Variants in PPP2R2D observed in about 807,000 individuals in gnomAD.
The protein encoded by PPP2R2D is serine/threonine-protein phosphatase 2A 55 kDa regulatory subunit B delta isoform.
PPP2R2D carries 9 observed loss-of-function variants against 31.1 expected under a neutral mutation model. The ratio of observed to expected loss-of-function variants is 0.29; its 90% CI spans 0.17 to 0.51. The LOEUF is 0.51. PPP2R2D is among the 20% of genes least tolerant of loss of function. PPP2R2D has a pLI of 0.98. For synonymous variants in PPP2R2D, 179 were observed against 172.6 expected (o/e 1.04, Z -0.29); for missense variants, 391 against 465.6 (o/e 0.84, Z 1.48).
chr10:131,931,325 C>G (rs1288650647), intron 2 of PPP2R2D, among the ~76,000 whole-genome samples: 1 of 152,184 alleles, frequency 6.6e-6, no homozygotes, highest in Non-Finnish European at 1.5e-5. Flanking sequence ...TCTCTTTGTT[C>G]AGATTCCATC....
At chr10:131,940,327 G>T in intron 4 of PPP2R2D, 131 bp downstream of exon 4, 1 of 577,296 alleles carries the variant, frequency 1.7e-6, no homozygotes, top group Non-Finnish European at 3.1e-6. Flanking sequence ...GTTATCTAGG[G>T]TAGCAAGTGA....
At chr10:131,902,346 C>G (rs1042661384) in intron 2 of PPP2R2D, among the ~76,000 whole-genome samples, 31,808 of 152,040 alleles carry the variant, frequency 0.21, 3,460 homozygotes, top group South Asian at 0.27. Context: ...CTGTTCACTT[C>G]CCTCCATCTC....
intron 2 of PPP2R2D, among the ~76,000 whole-genome samples, chr10:131,909,290 G>A (rs908547401): frequency 1.1e-4 from 16 of 152,306 alleles, no homozygotes; most frequent in African/African-American, 3.6e-4. Flanking sequence ...GTGTGCTCAG[G>A]ACTCTGAGTG....
chr10:131,909,244 C>G (rs2035645236), intron 2 of PPP2R2D, among the ~76,000 whole-genome samples: 1 of 152,174 alleles, frequency 6.6e-6, no homozygotes, highest in Admixed American at 6.5e-5. Flanking sequence ...AGGAGGCTGG[C>G]TGGGGCCACA....
rs1459990988 is a variant in PPP2R2D, at chr10:131,901,039, C to CGGCGGCGGCGCCGGCGGT, written c.-103_-102insGCGCCGGCGGTGGCGGCG. On this transcript the variant is annotated 5_prime_UTR_variant, in exon 1 of 9. Coordinates refer to ENST00000455566, the MANE Select transcript of PPP2R2D (RefSeq NM_018461.5). ...CCCTCCCCGGCGGCGGCGGCGGCGG[C>CGGCGGCGGCGCCGGCGGT]GGCGGCGCCGGCGGTGGTGGCGGCC... is the stretch of plus-strand genomic sequence containing the variant. The CGGCGGCGGCGCCGGCGGT allele has an allele frequency of 6.3e-6, 1 of 159,652 alleles. No homozygotes were observed. The allele number at this position is 159,652 out of a possible 1,614,324, so 9.9% of individuals were successfully genotyped here. A position where few individuals can be genotyped will look rare whatever the true frequency, so the allele number is the denominator to read the frequency against.
chr10:131,954,775 T>G (rs1554899649), intron 8 of PPP2R2D, among the ~76,000 whole-genome samples: 1 of 151,964 alleles, frequency 6.6e-6, no homozygotes, highest in Admixed American at 6.6e-5. Context: ...CGCGCCAGCG[T>G]GAAAGGCCTC....
intron 5 of PPP2R2D, among the ~76,000 whole-genome samples, chr10:131,943,218 C>T (rs781923984): frequency 1.4e-4 from 22 of 152,326 alleles, no homozygotes; most frequent in Admixed American, 4.6e-4. Context: ...GCGCCCACTC[C>T]TCTCTGTCCT....
downstream of PPP2R2D, among the ~76,000 whole-genome samples, chr10:131,962,710 T>C (rs1479849067): frequency 6.6e-6 from 1 of 152,168 alleles, no homozygotes; most frequent in African/African-American, 2.4e-5. Context: ...AGGGGCTGCC[T>C]GCACTGGGCA....
intron 2 of PPP2R2D, among the ~76,000 whole-genome samples, chr10:131,919,856 C>T (rs1335999360): frequency 7.9e-6 from 1 of 126,246 alleles, no homozygotes; most frequent in Admixed American, 8.2e-5. Flanking sequence ...GGTGGAATGA[C>T]ACAGTGTTTG....
Position 131,956,044 on chromosome 10 carries a change from G to A in PPP2R2D, c.*81G>A, listed in dbSNP as rs542941189. On this transcript the variant is annotated 3_prime_UTR_variant, in exon 9 of 9. Coordinates refer to ENST00000455566, the MANE Select transcript of PPP2R2D (RefSeq NM_018461.5). ...TGTCAGAGAAAAGGCATCATTGTCC[G>A]CTCCATTAAGAACAGTGACGCACCT... 16 of 1,351,752 alleles carry A rather than the reference G, an allele frequency of 1.2e-5. No individual in the cohort carries two copies. The highest frequency in any genetic ancestry group is 7.4e-5 in the African/African-American group (5 of 67,172). 83.7% of individuals were successfully genotyped at this position (1,351,752 alleles called of 1,614,324 possible).
Position 131,947,470 on chromosome 10 carries a change from A to C in PPP2R2D, c.821-60A>C. 3.2e-6 allele frequency: 5 copies of C among 1,555,180 alleles called. No homozygotes were observed. Among genetic ancestry groups the C allele is most frequent in the East Asian group, 2.3e-5 (1 of 44,202 alleles). On this transcript the variant is annotated intron_variant, in intron 7 of 8. Coordinates refer to ENST00000455566, the MANE Select transcript of PPP2R2D (RefSeq NM_018461.5). The surrounding 1 kb of genome is among the most constrained non-coding windows in gnomAD (Gnocchi z 4.3). ...AGGGGCCACTTCCTACTTGAACTTGAAAATGATTTGTTCTCTGATTTTTAA... is the reference window on the plus strand; with the variant it reads ...AGGGGCCACTTCCTACTTGAACTTGCAAATGATTTGTTCTCTGATTTTTAA...
chr10:131,921,280 T>C (rs1564813813), intron 2 of PPP2R2D, among the ~76,000 whole-genome samples: 3 of 151,894 alleles, frequency 2.0e-5, no homozygotes, highest in Admixed American at 6.6e-5. Context: ...GTGCAGGGAG[T>C]GACCGGGGGA....
the PPP2R2D span, chr10:131,969,944 T>G: frequency 6.6e-6 from 1 of 152,478 alleles, no homozygotes; most frequent in African/African-American, 2.4e-5. Context: ...ATCCCAGCAC[T>G]TTGGAGGCCG....
intron 3 of PPP2R2D, among the ~76,000 whole-genome samples, chr10:131,937,179 A>G (rs1227983485): frequency 9.8e-5 from 15 of 152,354 alleles, no homozygotes; most frequent in African/African-American, 3.1e-4. Flanking sequence ...AGTCAGGTCC[A>G]TAGAGGCCCG....
At chr10:131,970,366 G>A in the PPP2R2D span, 7 of 518,254 alleles carry the variant, frequency 1.4e-5, no homozygotes, top group African/African-American at 3.8e-5. This position sits in a 1 kb window ranked among gnomAD's most constrained non-coding sequence, Gnocchi z 4.1. Flanking sequence ...TCAGACCTAA[G>A]AAGCCCTGCT....
At chr10:131,954,533 G>A (rs1245821704) in intron 8 of PPP2R2D, among the ~76,000 whole-genome samples, 1 of 152,200 alleles carries the variant, frequency 6.6e-6, no homozygotes, top group Non-Finnish European at 1.5e-5. Flanking sequence ...CACACCTTGT[G>A]TCTCCCGCCT....
chr10:131,956,288 A>C lies in PPP2R2D; in HGVS notation c.*325A>C. 9.7e-7 allele frequency: 1 copy of C among 1,034,300 alleles called. No individual in the cohort carries two copies. The highest frequency in any genetic ancestry group is 1.2e-6 in the Non-Finnish European group (1 of 862,420). 64.1% of individuals were successfully genotyped at this position (1,034,300 alleles called of 1,614,324 possible). On this transcript the variant is annotated 3_prime_UTR_variant, in exon 9 of 9. Transcript: ENST00000455566. ...TTTATAGACCAAAAAATTAACATCC[A>C]AGAGAAAAGTTATTGTCAGATACCG... is the stretch of plus-strand genomic sequence containing the variant.
At chr10:131,925,033 T>G (rs10870232) in intron 2 of PPP2R2D, among the ~76,000 whole-genome samples, 43,550 of 152,106 alleles carry the variant, frequency 0.29, 6,369 homozygotes, top group East Asian at 0.45. Context: ...CTGTTTATTA[T>G]CTCTGATAGG....
rs1220853276 is a variant in PPP2R2D at position 131,953,030 on chromosome 10, G to A, written c.1083-2654G>A. On this transcript the variant is annotated intron_variant, in intron 8 of 8. Coordinates refer to ENST00000455566, the MANE Select transcript of PPP2R2D (RefSeq NM_018461.5). ...GGGTTCACTGTCTTAGTGACTTGCG[G>A]GTGTGCAGGGGGTTTCACTGTCTTA... Among the ~76,000 whole-genome samples the A allele has an allele frequency of 1.9e-4, 26 of 138,368 alleles. 2 individuals are homozygous for A. Among genetic ancestry groups the A allele is most frequent in the African/African-American group, 6.9e-4 (25 of 36,186 alleles). The allele number at this position is 138,368 out of a possible 152,430, so 90.8% of individuals were successfully genotyped here.
Sources: gnomAD v4.1 joint callset for allele counts (sites outside exome capture counted in the v4.1 genomes callset) on GRCh38, gnomAD v4.1.1 for gene constraint, Gnocchi (gnomAD v3.1) non-coding constraint, MANE v1.5 for transcripts, NCBI Gene and HGNC (gene_info 2026-07-23, HGNC 2026-07-21) for gene names.